SPRED1: variants seen among roughly 807,000 people sequenced by gnomAD.
SPRED1 encodes the protein sprouty related EVH1 domain containing 1.
A neutral mutation model predicts 52.3 loss-of-function variants in SPRED1; 18 were observed. The ratio of observed to expected loss-of-function variants is 0.34; its 90% CI spans 0.24 to 0.51. The LOEUF (loss-of-function observed/expected upper bound fraction) is 0.51, where lower values mean the gene tolerates loss of function less well. Among genes scored for constraint, SPRED1 ranks in the 20% least tolerant of loss-of-function variants. The probability of loss-of-function intolerance (pLI) is 0.97; values close to 1 mark genes in which losing one functional copy is unlikely to be tolerated. For missense variants in SPRED1, 485 were observed against 551.0 expected (o/e 0.88, Z 1.20); for synonymous variants, 155 against 179.7 (o/e 0.86, Z 1.10).
At chr15:38,336,380 A>ACGTGTGTG (rs1555391796) in intron 4 of SPRED1, among the ~76,000 whole-genome samples, 7 of 134,316 alleles carry the variant, frequency 5.2e-5, no homozygotes, top group African/African-American at 1.9e-4. Flanking sequence ...GATAAAGAAA[A>ACGTGTGTG]TGTGTGTGTG....
intron 2 of SPRED1, among the ~76,000 whole-genome samples, chr15:38,299,857 G>T (rs1480268548): frequency 2.0e-5 from 3 of 152,114 alleles, no homozygotes; most frequent in Non-Finnish European, 4.4e-5. Flanking sequence ...CCCTAGACCA[G>T]AGATTGGCAA....
intron 1 of SPRED1, among the ~76,000 whole-genome samples, chr15:38,279,927 C>T (rs751785644): frequency 6.6e-6 from 1 of 152,074 alleles, no homozygotes; most frequent in Non-Finnish European, 1.5e-5. Flanking sequence ...TGATTAGCAT[C>T]TTTTCTTCCT....
intron 1 of SPRED1, among the ~76,000 whole-genome samples, chr15:38,276,660 A>G (rs879637596): frequency 1.3e-5 from 2 of 152,188 alleles, no homozygotes; most frequent in Admixed American, 6.5e-5. Context: ...TATGCTACCT[A>G]CAATGTGAAA....
intron 5 of SPRED1, 35 bp downstream of exon 5, chr15:38,339,930 T>G: frequency 6.2e-7 from 1 of 1,613,152 alleles, no homozygotes; most frequent in Non-Finnish European, 8.5e-7. Context: ...GCGCGTTGTT[T>G]ATATGTGTAG....
chr15:38,324,698 A>T, intron 3 of SPRED1, 65 bp from the exon 4 acceptor site: 2 of 1,172,688 alleles, frequency 1.7e-6, no homozygotes, highest in Non-Finnish European at 2.5e-6. Context: ...ATAATCAATT[A>T]GTCATTAATA....
intron 2 of SPRED1, among the ~76,000 whole-genome samples, chr15:38,309,486 C>T (rs1320117907): frequency 6.6e-6 from 1 of 152,152 alleles, no homozygotes; most frequent in African/African-American, 2.4e-5. Context: ...TATATTCTAG[C>T]TACTAAGTCC....
chr15:38,270,240 A>G (rs750732702), intron 1 of SPRED1, among the ~76,000 whole-genome samples: 2 of 152,096 alleles, frequency 1.3e-5, no homozygotes, highest in Non-Finnish European at 2.9e-5. Context: ...TTCAAGCCCA[A>G]CACCTTTTTT....
Position 38,305,982 on chromosome 15 carries a change from GCTA to G in SPRED1, c.207+6439_207+6441del, listed in dbSNP as rs552623740. ...CTCTCATATCTTTCCTGCAAATAAG[GCTA>G]CTATTTTTTTTTTCATTGCCCAGTT... On this transcript the variant is annotated intron_variant, in intron 2 of 6. Coordinates refer to ENST00000299084, the MANE Select transcript of SPRED1 (RefSeq NM_152594.3). 1.9e-3 allele frequency among the ~76,000 whole-genome samples: 286 copies of G among 151,728 alleles called. 1 individual carries two copies. Among genetic ancestry groups the G allele is most frequent in the Non-Finnish European group, 3.4e-3 (231 of 67,914 alleles).
chr15:38,296,708 C>T (rs971175638), intron 1 of SPRED1, among the ~76,000 whole-genome samples: 3 of 152,128 alleles, frequency 2.0e-5, no homozygotes, highest in Non-Finnish European at 2.9e-5. Flanking sequence ...TCTTCGTGTC[C>T]ATTGTTATCG....
At chr15:38,266,714 A>G (rs971109038) in intron 1 of SPRED1, among the ~76,000 whole-genome samples, 1 of 152,154 alleles carries the variant, frequency 6.6e-6, no homozygotes, top group African/African-American at 2.4e-5. Flanking sequence ...TTTTAAAGAG[A>G]AGGAGAGTGG....
chr15:38,339,420 A>G (rs550412300), intron 4 of SPRED1, among the ~76,000 whole-genome samples: 56 of 152,278 alleles, frequency 3.7e-4, no homozygotes, highest in African/African-American at 1.2e-3. Flanking sequence ...ATGTACATTT[A>G]TCACTTTTTA....
chr15:38,348,209 T>C (rs1252800464), intron 5 of SPRED1, among the ~76,000 whole-genome samples: 2 of 152,114 alleles, frequency 1.3e-5, no homozygotes, highest in Non-Finnish European at 2.9e-5. Flanking sequence ...TTTCTTTTTT[T>C]CACTTGACCA....
chr15:38,315,013 G>C (rs76331967), intron 2 of SPRED1, among the ~76,000 whole-genome samples: 2,313 of 151,836 alleles, frequency 0.015, 57 homozygotes, highest in East Asian at 0.099. Context: ...TATATTAATA[G>C]ACAATTGTAA....
At chr15:38,322,946 T>C (rs1183207940) in intron 3 of SPRED1, among the ~76,000 whole-genome samples, 1 of 152,142 alleles carries the variant, frequency 6.6e-6, no homozygotes, top group Non-Finnish European at 1.5e-5. Flanking sequence ...CTCAAAAGCA[T>C]ACAGGTTTTG....
chr15:38,253,243 C>T (rs1418477775), intron 1 of SPRED1, 26 bp downstream of exon 1: 2 of 1,561,752 alleles, frequency 1.3e-6, no homozygotes, highest in East Asian at 2.4e-5. Context: ...ATCTCGATTG[C>T]TAATCCCCCT....
chr15:38,253,382 C>T (rs1031509404), intron 1 of SPRED1, among the ~76,000 whole-genome samples, 165 bp downstream of exon 1: 2 of 152,090 alleles, frequency 1.3e-5, no homozygotes, highest in African/African-American at 4.8e-5. Context: ...AGTGGCAGCA[C>T]CCCTCCCCAT....
At chr15:38,304,679 C>A (rs553630010) in intron 2 of SPRED1, among the ~76,000 whole-genome samples, 1 of 152,136 alleles carries the variant, frequency 6.6e-6, no homozygotes, top group African/African-American at 2.4e-5. Flanking sequence ...TTTGCAGTCT[C>A]GACCTTCTGG....
intron 4 of SPRED1, among the ~76,000 whole-genome samples, chr15:38,328,628 T>A (rs1206194690): frequency 6.6e-6 from 1 of 152,226 alleles, no homozygotes; most frequent in African/African-American, 2.4e-5. Flanking sequence ...AAGTTAAGAT[T>A]TTTAAAAACC....
rs542005244 is a variant in SPRED1, at chr15:38,281,559, A to ATTTTT, written c.33-17794_33-17790dup. 7.9e-3 allele frequency among the ~76,000 whole-genome samples: 792 copies of ATTTTT among 100,696 alleles called. 1 individual carries two copies. The highest frequency in any genetic ancestry group is 0.015 in the East Asian group (43 of 2,796). 66.1% of individuals were successfully genotyped at this position (100,696 alleles called of 152,430 possible). ...AGGTGTGTGCCACCATGCCCATCTA[A>ATTTTT]TTTTTTTTTTTTTTTTTTTTTTTTG... On this transcript the variant is annotated intron_variant, in intron 1 of 6. Coordinates refer to ENST00000299084, the MANE Select transcript of SPRED1 (RefSeq NM_152594.3).
Sources: gnomAD v4.1 joint callset for allele counts (sites outside exome capture counted in the v4.1 genomes callset) on GRCh38, gnomAD v4.1.1 for gene constraint, MANE v1.5 for transcripts, NCBI Gene and HGNC (gene_info 2026-07-23, HGNC 2026-07-21) for gene names.